POLR1A: variants seen among roughly 807,000 people sequenced by gnomAD.
POLR1A encodes DNA-directed RNA polymerase I subunit RPA1.
A neutral mutation model predicts 205.3 loss-of-function variants in POLR1A; 84 were observed. The ratio of observed to expected loss-of-function variants is 0.41; its 90% CI spans 0.34 to 0.49. POLR1A has a LOEUF of 0.49. Ranked by LOEUF, POLR1A falls within the 20% of genes least tolerant of loss-of-function variation. The pLI, the probability that POLR1A is intolerant of heterozygous loss-of-function variation, is 0.22. For synonymous variants in POLR1A, 799 were observed against 863.7 expected (o/e 0.93, Z 1.31); for missense variants, 1,645 against 2,204.5 (o/e 0.75, Z 5.08).
chr2:86,095,065 G>A (rs1308791804), intron 3 of POLR1A, among the ~76,000 whole-genome samples: 1 of 152,206 alleles, frequency 6.6e-6, no homozygotes, highest in Non-Finnish European at 1.5e-5. Flanking sequence ...TCCGCACAGG[G>A]CTGCCCACAT....
In POLR1A at chr2:86,028,503, T is replaced by C. The variant is rs890105026; in HGVS notation, c.4897+91A>G. Reference sequence around the variant, plus strand: ...CCTTAGTGCTGGACTGACTCGGTGCTGGACCGACACGGTCCTGACCCTCCT... The same window carrying C: ...CCTTAGTGCTGGACTGACTCGGTGCCGGACCGACACGGTCCTGACCCTCCT... On this transcript the variant is annotated intron_variant, in intron 32 of 33. Coordinates refer to ENST00000263857, the MANE Select transcript of POLR1A (RefSeq NM_015425.6). This position sits in a 1 kb window ranked among gnomAD's most constrained non-coding sequence, Gnocchi z 4.5. 3 of 882,940 alleles carry C rather than the reference T, an allele frequency of 3.4e-6. No individual in the cohort carries two copies. In the African/African-American group the frequency reaches 4.9e-5, roughly 14 times the overall value. The allele number at this position is 882,940 out of a possible 1,614,324, so 54.7% of individuals were successfully genotyped here.
chr2:86,082,637 AG>A (rs1487199614), intron 7 of POLR1A, among the ~76,000 whole-genome samples: 1 of 152,106 alleles, frequency 6.6e-6, no homozygotes, highest in Non-Finnish European at 1.5e-5. Context: ...TACTCTCACA[AG>A]GGCTTGAATA....
At chr2:86,104,705 C>T (rs769732561) in intron 1 of POLR1A, among the ~76,000 whole-genome samples, 53 of 152,180 alleles carry the variant, frequency 3.5e-4, no homozygotes, top group Non-Finnish European at 6.6e-4. Flanking sequence ...CCTCGGCCTC[C>T]CAAAGTGCTG....
intron 13 of POLR1A, chr2:86,065,686 C>T (rs1441208917): frequency 3.6e-6 from 2 of 554,652 alleles, no homozygotes; most frequent in East Asian, 6.1e-5. Flanking sequence ...CATTTGCCCA[C>T]TATCCTATAT....
In POLR1A at chr2:86,105,856, C is replaced by A; in HGVS notation, c.-80G>T. 1 of 1,287,232 alleles carries A rather than the reference C, an allele frequency of 7.8e-7. No homozygotes were observed. Among genetic ancestry groups the A allele is most frequent in the Non-Finnish European group, 1.1e-6 (1 of 896,550 alleles). 79.7% of individuals were successfully genotyped at this position (1,287,232 alleles called of 1,614,324 possible). On this transcript the variant is annotated 5_prime_UTR_variant, in exon 1 of 34. Transcript: ENST00000263857. ...GACTATTCTTAATTCAACCTCAAGC[C>A]CGGAGTCACCACGCGATTCAACGTG...
chr2:86,063,363 G>GA (rs1673033461), intron 14 of POLR1A, among the ~76,000 whole-genome samples: 1 of 70,138 alleles, frequency 1.4e-5, no homozygotes, highest in Non-Finnish European at 3.1e-5. Flanking sequence ...AAAAAAAAAA[G>GA]AAAGAAAACC....
chr2:86,105,858 G>C lies in POLR1A; in HGVS notation c.-82C>G. 4 of 1,280,570 alleles carry C rather than the reference G, an allele frequency of 3.1e-6. No individual in the cohort carries two copies. Among genetic ancestry groups the C allele is most frequent in the Non-Finnish European group, 4.5e-6 (4 of 891,680 alleles). The allele number at this position is 1,280,570 out of a possible 1,614,324, so 79.3% of individuals were successfully genotyped here. On this transcript the variant is annotated 5_prime_UTR_variant, in exon 1 of 34. Coordinates refer to ENST00000263857, the MANE Select transcript of POLR1A (RefSeq NM_015425.6). ...CTATTCTTAATTCAACCTCAAGCCC[G>C]GAGTCACCACGCGATTCAACGTGCG...
Position 86,042,121 on chromosome 2 carries a change from T to A in POLR1A, c.3358-18A>T, listed in dbSNP as rs1482466691. On this transcript the variant is annotated intron_variant, in intron 23 of 33. Coordinates refer to ENST00000263857, the MANE Select transcript of POLR1A (RefSeq NM_015425.6). ...CTCAGCATCTGAACAGAAGGATGGG[T>A]CTCAGCTATGTGGGAGGGATACCCA... The A allele has an allele frequency of 6.3e-7, 1 of 1,580,112 alleles. No homozygotes were observed. The highest frequency in any genetic ancestry group is 1.3e-5 in the African/African-American group (1 of 74,110).
intron 13 of POLR1A, 32 bp downstream of exon 13, chr2:86,069,983 CGAT>C (rs1558776391): frequency 6.3e-7 from 1 of 1,595,904 alleles, no homozygotes; most frequent in East Asian, 2.2e-5. Flanking sequence ...GTCATGCTGA[CGAT>C]GACCACGGAA....
intron 1 of POLR1A, among the ~76,000 whole-genome samples, chr2:86,100,795 C>A (rs1426135150): frequency 1.3e-5 from 2 of 152,282 alleles, no homozygotes; most frequent in East Asian, 1.9e-4. Flanking sequence ...CCTGCCTCAG[C>A]CTCCCAAAGT....
chr2:86,069,652 T>A (rs1048704655), intron 13 of POLR1A, among the ~76,000 whole-genome samples: 1 of 152,196 alleles, frequency 6.6e-6, no homozygotes, highest in Non-Finnish European at 1.5e-5. Context: ...ATCAAAGTCA[T>A]CAGTGGACCA....
At position 86,077,881 on chromosome 2, in the gene POLR1A, G is replaced by A; in HGVS notation, c.1358C>T (p.Thr453Ile). Reference sequence around the variant, plus strand: ...CACCATGGGAATTCCAATTTCGTTGGTGTTGATGTACATGTCTGGGCAGAT... The same window carrying A: ...CACCATGGGAATTCCAATTTCGTTGATGTTGATGTACATGTCTGGGCAGAT... ...SVICPDMYIN[T>I]NEIGIPMVFA... Residue 453 changes from threonine to isoleucine, a missense_variant, in exon 11 of 34, where the codon ACC becomes ATC. Physicochemically the swap from Thr to Ile is moderately conservative, Grantham distance 89. This residue lies in a region of POLR1A where 131 missense variants were observed against 214.5 expected (regional missense o/e 0.61). Coordinates refer to ENST00000263857, the MANE Select transcript of POLR1A (RefSeq NM_015425.6). 1 of 1,612,772 alleles carries A rather than the reference G, an allele frequency of 6.2e-7. No homozygotes were observed. The highest frequency in any genetic ancestry group is 1.8e-4 in the Middle Eastern group (1 of 5,466).
chr2:86,092,236 A>G (rs929044405), intron 3 of POLR1A, among the ~76,000 whole-genome samples: 6 of 152,258 alleles, frequency 3.9e-5, no homozygotes, highest in African/African-American at 1.4e-4. Context: ...TGGAAAGACT[A>G]CAGCTCTGAG....
intron 28 of POLR1A, among the ~76,000 whole-genome samples, chr2:86,033,375 G>A (rs1672432452): frequency 6.6e-6 from 1 of 152,246 alleles, no homozygotes. Flanking sequence ...TCCCTCCTCA[G>A]GATGAAGACC....
At chr2:86,040,368 C>T in intron 25 of POLR1A, 24 bp downstream of exon 25, 1 of 1,565,250 alleles carries the variant, frequency 6.4e-7, no homozygotes, top group Non-Finnish European at 8.7e-7. Flanking sequence ...CAGACCCCAC[C>T]CTGTGCTCCC....
Position 86,042,005 on chromosome 2 carries a change from A to G in POLR1A, c.3456T>C (p.Pro1152=). Residue 1152 remains proline (P), a synonymous_variant, in exon 24 of 34, where the codon CCT becomes CCC. Transcript: ENST00000263857. ...CTGACACTGATGCAAAGTAGATGTC[A>G]GGACGCCAGACAGACAGACTGGGGT... ...CPDPSLSVWR[P]DIYFASVSET... is the part of the protein sequence containing the mutation. The G allele has an allele frequency of 6.2e-7, 1 of 1,613,938 alleles. No individual in the cohort carries two copies. Among genetic ancestry groups the G allele is most frequent in the Non-Finnish European group, 8.5e-7 (1 of 1,179,806 alleles).
chr2:86,058,700 T>C (rs548293726), intron 14 of POLR1A, among the ~76,000 whole-genome samples: 1 of 152,200 alleles, frequency 6.6e-6, no homozygotes, highest in African/African-American at 2.4e-5. Context: ...TCTATGGGAA[T>C]TATTATTTAT....
Position 86,040,477 on chromosome 2 carries a change from T to C in POLR1A, c.3655A>G (p.Ile1219Val). 6.2e-7 allele frequency: 1 copy of C among 1,613,680 alleles called. No individual in the cohort carries two copies. Among genetic ancestry groups the C allele is most frequent in the Non-Finnish European group, 8.5e-7 (1 of 1,179,802 alleles). Residue 1219 changes from isoleucine (I) to valine (V), a missense_variant, in exon 25 of 34, where the codon ATC becomes GTC. Around this residue, in one of 16 missense-constraint regions of POLR1A, gnomAD observed 13 missense variants for 55.1 expected, o/e 0.24. Coordinates refer to ENST00000263857, the MANE Select transcript of POLR1A (RefSeq NM_015425.6). ...EAVGLLAAQSIGEPSTQMTLN... is the reference protein window; with the variant it reads ...EAVGLLAAQSVGEPSTQMTLN... ...GTCATCTGGGTGGAGGGCTCTCCGA[T>C]GCTCTGGGCAGCCAGCAGGCCCACA...
chr2:86,025,830 C>A lies in POLR1A; in HGVS notation c.*1593G>T, dbSNP rs983876788. 11 of 152,240 alleles carry A rather than the reference C, an allele frequency of 7.2e-5. No individual in the cohort carries two copies. Among genetic ancestry groups the A allele is most frequent in the African/African-American group, 2.4e-4 (10 of 41,454 alleles). The allele number at this position is 152,240 out of a possible 1,614,324, so 9.4% of individuals were successfully genotyped here. ...GAATGTCTTACCCTGCAGGCTGGGC[C>A]CTTCCTGCCTGCCTCAAAACTGTCA... On this transcript the variant is annotated 3_prime_UTR_variant, in exon 34 of 34. Transcript: ENST00000263857.
Sources: allele counts gnomAD v4.1 joint callset (sites outside exome capture counted in the v4.1 genomes callset), GRCh38; gene constraint gnomAD v4.1.1; regional missense constraint gnomAD v4.1.1; non-coding constraint Gnocchi (gnomAD v3.1); transcripts MANE v1.5; gene names NCBI Gene and HGNC (gene_info 2026-07-23, HGNC 2026-07-21).